RBFOX1: variants seen among roughly 807,000 people sequenced by gnomAD.
RBFOX1 encodes RNA binding protein fox-1 homolog 1.
Under a neutral mutation model 57.7 loss-of-function variants are expected in RBFOX1, and 8 were observed. The observed-to-expected ratio is 0.14, with a 90% CI of 0.08 to 0.25. The LOEUF (loss-of-function observed/expected upper bound fraction) is 0.25. Among genes scored for constraint, RBFOX1 ranks in the 10% least tolerant of loss-of-function variants. The pLI is 1.00. For synonymous variants in RBFOX1, 326 were observed against 222.4 expected (o/e 1.47, Z -4.15); for missense variants, 611 against 548.5 (o/e 1.11, Z -1.14).
intron 4 of RBFOX1, among the ~76,000 whole-genome samples, chr16:7,339,473 C>T (rs1446995007): frequency 1.3e-5 from 2 of 152,148 alleles, no homozygotes; most frequent in African/African-American, 2.4e-5. Context: ...CGGAATCTTG[C>T]TCTGTAGCCC....
chr16:7,117,190 C>G (rs374221465), intron 4 of RBFOX1, among the ~76,000 whole-genome samples: 1 of 152,104 alleles, frequency 6.6e-6, no homozygotes, highest in African/African-American at 2.4e-5. Context: ...GGTTGGAAGA[C>G]TAGCTAAGCA....
At chr16:6,939,621 C>T (rs1318969969) in intron 3 of RBFOX1, among the ~76,000 whole-genome samples, 4 of 151,600 alleles carry the variant, frequency 2.6e-5, no homozygotes, top group Non-Finnish European at 5.9e-5. Context: ...ACTTGATTCT[C>T]ATGCCTCAAC....
At position 7,299,448 on chromosome 16, in the gene RBFOX1, G is replaced by GT. The variant is rs553519856; in HGVS notation, c.28-218696dup. 5.2e-3 allele frequency among the ~76,000 whole-genome samples: 788 copies of GT among 152,324 alleles called. 7 individuals carry two copies. The highest frequency in any genetic ancestry group is 9.1e-3 in the Admixed American group (139 of 15,302). On this transcript the variant is annotated intron_variant, in intron 4 of 15. Coordinates refer to ENST00000550418, the MANE Select transcript of RBFOX1 (RefSeq NM_018723.4). ...ACACCCAAACTAGAAAGCTAGAGGA[G>GT]TTTGAGGGTCCTTTACACAGAATCA...
At chr16:7,708,374 CACAA>C (rs2083189878) in intron 14 of RBFOX1, among the ~76,000 whole-genome samples, 1 of 152,080 alleles carries the variant, frequency 6.6e-6, no homozygotes, top group African/African-American at 2.4e-5. Context: ...GAGAGAAAAA[CACAA>C]AGATGAGTAA....
chr16:7,244,547 C>G (rs1015647318), intron 4 of RBFOX1, among the ~76,000 whole-genome samples: 1 of 152,200 alleles, frequency 6.6e-6, no homozygotes, highest in African/African-American at 2.4e-5. Context: ...CCAGCGGTGG[C>G]TCTCAGTTGC....
intron 4 of RBFOX1, among the ~76,000 whole-genome samples, chr16:7,340,742 A>G (rs78222803): frequency 6.6e-6 from 1 of 152,328 alleles, no homozygotes; most frequent in Non-Finnish European, 1.5e-5. Flanking sequence ...CATCATTCCA[A>G]AGCACTCGAA....
At chr16:5,829,514 G>A (rs1170656311) in intron 3 of RBFOX1, among the ~76,000 whole-genome samples, 7 of 152,106 alleles carry the variant, frequency 4.6e-5, no homozygotes, top group Admixed American at 4.6e-4. Context: ...TATGGAGGCA[G>A]AACCCAAGGT....
chr16:6,243,115 G>T (rs1226343452), intron 1 of RBFOX1, among the ~76,000 whole-genome samples: 1 of 151,390 alleles, frequency 6.6e-6, no homozygotes, highest in African/African-American at 2.4e-5. Context: ...AGTAGCTGCA[G>T]TTGGATAAAT....
At chr16:6,780,487 T>TACA (rs1242975313) in intron 3 of RBFOX1, among the ~76,000 whole-genome samples, 120 of 103,286 alleles carry the variant, frequency 1.2e-3, no homozygotes, top group African/African-American at 3.6e-3. Flanking sequence ...TTTATATATA[T>TACA]TTATATACAT....
intron 3 of RBFOX1, among the ~76,000 whole-genome samples, chr16:6,781,485 A>C (rs2081013561): frequency 6.6e-6 from 1 of 152,098 alleles, no homozygotes; most frequent in Non-Finnish European, 1.5e-5. Flanking sequence ...TTTTTAGAAT[A>C]GTTTGAATAG....
intron 5 of RBFOX1, among the ~76,000 whole-genome samples, chr16:7,567,229 C>CTATATAAATATCCATATATATATCTCTA (rs1567864204): frequency 8.4e-6 from 1 of 118,380 alleles, no homozygotes; most frequent in Non-Finnish European, 1.8e-5. Context: ...ATATATATCC[C>CTATATAAATATCCATATATATATCTCTA]TATATATATA....
At chr16:6,309,481 A>G (rs187668305) in intron 1 of RBFOX1, among the ~76,000 whole-genome samples, 99 of 152,286 alleles carry the variant, frequency 6.5e-4, no homozygotes, top group Middle Eastern at 3.4e-3. Context: ...TGCAGACACA[A>G]TTATTGCTGA....
intron 4 of RBFOX1, among the ~76,000 whole-genome samples, chr16:7,407,741 T>A (rs886325317): frequency 4.6e-5 from 7 of 152,216 alleles, no homozygotes; most frequent in African/African-American, 1.7e-4. Context: ...ACTGTGCAAG[T>A]CTTCACAGTG....
At chr16:5,939,797 T>A (rs150028054) in intron 4 of RBFOX1, among the ~76,000 whole-genome samples, 179 of 152,214 alleles carry the variant, frequency 1.2e-3, no homozygotes, top group African/African-American at 4.1e-3. Flanking sequence ...TTAAGGAGAT[T>A]TTTTCATAAA....
chr16:6,582,880 G>A (rs773014920), intron 2 of RBFOX1, among the ~76,000 whole-genome samples: 1 of 146,750 alleles, frequency 6.8e-6, no homozygotes, highest in African/African-American at 2.5e-5. Context: ...GTTCCAGCTG[G>A]TTTTCTAAGC....
chr16:7,636,002 G>A (rs554529507), intron 11 of RBFOX1, among the ~76,000 whole-genome samples: 6 of 152,168 alleles, frequency 3.9e-5, no homozygotes, highest in East Asian at 3.9e-4. Flanking sequence ...TAGTAGAGAC[G>A]GAGTTTCACG....
At chr16:5,473,936 A>G (rs1424952670) in intron 2 of RBFOX1, among the ~76,000 whole-genome samples, 1 of 113,884 alleles carries the variant, frequency 8.8e-6, no homozygotes, top group South Asian at 3.3e-4. Context: ...GGGTAGGTAG[A>G]TGGATGGATG....
intron 14 of RBFOX1, among the ~76,000 whole-genome samples, chr16:7,691,666 C>G (rs150165722): frequency 3.9e-5 from 6 of 152,238 alleles, no homozygotes; most frequent in African/African-American, 1.4e-4. Flanking sequence ...TTCGTTCAGT[C>G]ACAATTTTAC....
intron 13 of RBFOX1, among the ~76,000 whole-genome samples, chr16:7,668,106 G>C (rs1265141091): frequency 1.3e-5 from 2 of 152,156 alleles, no homozygotes; most frequent in Non-Finnish European, 2.9e-5. Flanking sequence ...ATCAGAGCAG[G>C]TCAACAACTC....
Sources: allele counts gnomAD v4.1 joint callset (sites outside exome capture counted in the v4.1 genomes callset), GRCh38; gene constraint gnomAD v4.1.1; transcripts MANE v1.5; gene names NCBI Gene and HGNC (gene_info 2026-07-23, HGNC 2026-07-21).